SGCD: variants seen among roughly 807,000 people sequenced by gnomAD.
SGCD encodes delta-sarcoglycan.
A neutral mutation model predicts 36.6 loss-of-function variants in SGCD; 18 were observed. The observed-to-expected ratio is 0.49, with a 90% CI of 0.34 to 0.73. SGCD has a LOEUF of 0.73. Ranked by LOEUF, SGCD falls within the 30% of genes least tolerant of loss-of-function variation. The pLI is 0.01. For synonymous variants in SGCD, 133 were observed against 130.6 expected (o/e 1.02, Z -0.12); for missense variants, 387 against 346.7 (o/e 1.12, Z -0.92).
the SGCD span, among the ~76,000 whole-genome samples, chr5:155,828,434 A>T: frequency 6.6e-6 from 1 of 152,166 alleles, no homozygotes; most frequent in Non-Finnish European, 1.5e-5. Context: ...AAACTGCTTG[A>T]CCTGTAAATT....
At chr5:156,101,104 G>C (rs1474171625) in intron 1 of SGCD, among the ~76,000 whole-genome samples, 1 of 152,156 alleles carries the variant, frequency 6.6e-6, no homozygotes, top group Non-Finnish European at 1.5e-5. Context: ...GAGGGCAATT[G>C]CCAAAACTCA....
At chr5:155,970,635 T>C (rs1173540799) in intron 1 of SGCD, among the ~76,000 whole-genome samples, 1 of 152,172 alleles carries the variant, frequency 6.6e-6, no homozygotes, top group Non-Finnish European at 1.5e-5. Flanking sequence ...GATTGTCAGG[T>C]AGGACCTCTC....
At chr5:156,263,067 A>G (rs1039297176) in intron 3 of SGCD, among the ~76,000 whole-genome samples, 6 of 151,990 alleles carry the variant, frequency 3.9e-5, no homozygotes, top group African/African-American at 1.2e-4. Flanking sequence ...ATGGGTGTGC[A>G]AGTACCTTTT....
At chr5:155,873,907 C>A (rs1755710186) in intron 1 of SGCD, among the ~76,000 whole-genome samples, 1 of 152,142 alleles carries the variant, frequency 6.6e-6, no homozygotes, top group East Asian at 1.9e-4. Flanking sequence ...AATATGACAT[C>A]TATTTTTAAT....
chr5:156,161,828 A>G (rs1241010108), intron 3 of SGCD, among the ~76,000 whole-genome samples: 2 of 151,696 alleles, frequency 1.3e-5, no homozygotes, highest in Non-Finnish European at 2.9e-5. Context: ...ATGTTTCTGA[A>G]TATAGCAACT....
At chr5:156,451,264 C>G (rs533748163) in intron 3 of SGCD, among the ~76,000 whole-genome samples, 1 of 152,208 alleles carries the variant, frequency 6.6e-6, no homozygotes, top group South Asian at 2.1e-4. Context: ...GAAATATAGT[C>G]TGGTTGGCAG....
At chr5:156,258,171 A>G (rs1307554736) in intron 3 of SGCD, among the ~76,000 whole-genome samples, 1 of 152,224 alleles carries the variant, frequency 6.6e-6, no homozygotes, top group Non-Finnish European at 1.5e-5. Flanking sequence ...AACAAAAGTT[A>G]GAATTTTAAG....
At chr5:156,630,703 G>C (rs915732109) in intron 6 of SGCD, among the ~76,000 whole-genome samples, 4 of 152,136 alleles carry the variant, frequency 2.6e-5, no homozygotes, top group African/African-American at 4.8e-5. Context: ...AAACTCTAAA[G>C]TGACATTCAA....
chr5:155,910,198 G>A (rs1053865735), intron 1 of SGCD, among the ~76,000 whole-genome samples: 2 of 151,876 alleles, frequency 1.3e-5, no homozygotes, highest in African/African-American at 2.4e-5. Flanking sequence ...CAATGTCCTC[G>A]ACTAACATAG....
At chr5:156,493,914 C>T (rs1278487894) in intron 3 of SGCD, among the ~76,000 whole-genome samples, 1 of 152,160 alleles carries the variant, frequency 6.6e-6, no homozygotes, top group Non-Finnish European at 1.5e-5. Flanking sequence ...ACCTGCCTCT[C>T]ACGGCCTTCA....
intron 3 of SGCD, among the ~76,000 whole-genome samples, chr5:156,237,691 A>G (rs995165831): frequency 4.6e-5 from 7 of 152,170 alleles, no homozygotes; most frequent in Admixed American, 1.3e-4. Flanking sequence ...TAATAGATCC[A>G]TTAGAGCAAC....
At chr5:156,462,047 T>C in intron 3 of SGCD, among the ~76,000 whole-genome samples, 1 of 152,170 alleles carries the variant, frequency 6.6e-6, no homozygotes, top group East Asian at 1.9e-4. Flanking sequence ...CACTAAATTT[T>C]ATGTACTGAA....
At chr5:156,279,984 AACACAC>A (rs141892026) in intron 3 of SGCD, among the ~76,000 whole-genome samples, 5 of 148,544 alleles carry the variant, frequency 3.4e-5, no homozygotes, top group Admixed American at 2.0e-4. Context: ...CACACATACA[AACACAC>A]ACACACACAC....
intron 3 of SGCD, among the ~76,000 whole-genome samples, chr5:156,126,775 A>T (rs1238576308): frequency 6.6e-6 from 1 of 152,240 alleles, no homozygotes; most frequent in Admixed American, 6.5e-5. Flanking sequence ...AAGCTCCTGT[A>T]TGAACATTAG....
chr5:156,146,200 G>A (rs146448069), intron 3 of SGCD, among the ~76,000 whole-genome samples: 38 of 152,260 alleles, frequency 2.5e-4, no homozygotes, highest in Non-Finnish European at 4.1e-4. Flanking sequence ...GCGACAGAGC[G>A]AGACTCCATC....
At chr5:156,378,277 G>A (rs1295926553) in intron 3 of SGCD, among the ~76,000 whole-genome samples, 1 of 152,188 alleles carries the variant, frequency 6.6e-6, no homozygotes, top group Admixed American at 6.5e-5. Flanking sequence ...CCCCGTGTGT[G>A]AGATAGTTAA....
At chr5:156,618,208 G>C (rs73299198) in intron 6 of SGCD, among the ~76,000 whole-genome samples, 8,024 of 152,168 alleles carry the variant, frequency 0.053, 709 homozygotes, top group African/African-American at 0.18. Flanking sequence ...GAGAGCCTAC[G>C]AATCTAATAG....
intron 3 of SGCD, among the ~76,000 whole-genome samples, chr5:156,507,138 A>G (rs1756737744): frequency 6.6e-6 from 1 of 152,246 alleles, no homozygotes; most frequent in Non-Finnish European, 1.5e-5. Flanking sequence ...GGAAAAGGGC[A>G]ATTGAGATTG....
At chr5:156,139,862 G>C (rs928099292) in intron 3 of SGCD, among the ~76,000 whole-genome samples, 1 of 152,198 alleles carries the variant, frequency 6.6e-6, no homozygotes, top group Non-Finnish European at 1.5e-5. Flanking sequence ...TGGCCTTTGG[G>C]AGGTGACTAA....
Sources: gnomAD v4.1 joint callset for allele counts (sites outside exome capture counted in the v4.1 genomes callset) on GRCh38, gnomAD v4.1.1 for gene constraint, MANE v1.5 for transcripts, NCBI Gene and HGNC (gene_info 2026-07-23, HGNC 2026-07-21) for gene names.